Variants in NDUFAF2 observed in about 807,000 individuals in gnomAD.
The protein encoded by NDUFAF2 is NADH dehydrogenase [ubiquinone] 1 alpha subcomplex assembly factor 2.
Under a neutral mutation model 22.8 loss-of-function variants are expected in NDUFAF2, and 13 were observed. That is an observed-to-expected ratio of 0.57 (90% CI 0.37 to 0.91). The LOEUF is 0.91. NDUFAF2 is among the 40% of genes least tolerant of loss of function. The probability of loss-of-function intolerance (pLI) is 0.01; values close to 1 mark genes in which losing one functional copy is unlikely to be tolerated. For synonymous variants in NDUFAF2, 53 were observed against 64.2 expected, an observed-to-expected ratio of 0.83 and a Z score of 0.84; for missense variants, 162 against 195.2, an observed-to-expected ratio of 0.83 and a Z score of 1.01.
intron 3 of NDUFAF2, among the ~76,000 whole-genome samples, chr5:61,134,535 A>T (rs758485027): frequency 1.3e-4 from 20 of 151,994 alleles, no homozygotes; most frequent in Non-Finnish European, 2.4e-4. Context: ...AATACAAAAA[A>T]ATTAGCCGGA....
Position 61,012,092 on chromosome 5 carries a change from CTGTTT to C in NDUFAF2, c.128-61016_128-61012del, listed in dbSNP as rs528706835. ...CCTTATTCTCATTTTACCATTCACA[CTGTTT>C]TGTTTTGTTTTGTTTTTTAGGTTTC... On this transcript the variant is annotated intron_variant, in intron 1 of 3. Coordinates refer to ENST00000296597, the MANE Select transcript of NDUFAF2 (RefSeq NM_174889.5). Among the ~76,000 whole-genome samples, 270 of 152,198 alleles carry C rather than the reference CTGTTT, an allele frequency of 1.8e-3. 2 individuals are homozygous for C. Among genetic ancestry groups the C allele is most frequent in the African/African-American group, 6.1e-3 (252 of 41,534 alleles).
At chr5:61,022,860 G>A (rs1410299589) in intron 1 of NDUFAF2, among the ~76,000 whole-genome samples, 1 of 152,178 alleles carries the variant, frequency 6.6e-6, no homozygotes, top group Admixed American at 6.5e-5. Context: ...GGCCAGGCTG[G>A]TCTTGAACTC....
chr5:61,017,728 G>A (rs158568), intron 1 of NDUFAF2, among the ~76,000 whole-genome samples: 20,908 of 151,786 alleles, frequency 0.14, 1,806 homozygotes, highest in South Asian at 0.28. Flanking sequence ...ACACAGGGGA[G>A]ACCCTGTCTC....
At chr5:61,107,298 T>C (rs1309263803) in intron 3 of NDUFAF2, among the ~76,000 whole-genome samples, 2 of 151,404 alleles carry the variant, frequency 1.3e-5, no homozygotes, top group South Asian at 2.1e-4. Context: ...TGACGTGATA[T>C]CTCGTTGTAG....
intron 3 of NDUFAF2, among the ~76,000 whole-genome samples, chr5:61,118,384 C>G (rs147429182): frequency 6.6e-6 from 1 of 152,322 alleles, no homozygotes; most frequent in African/African-American, 2.4e-5. Flanking sequence ...TATAGTTTCT[C>G]TGTCTACCTA....
At chr5:61,111,617 GTTTT>G (rs931938330) in intron 3 of NDUFAF2, among the ~76,000 whole-genome samples, 1 of 150,616 alleles carries the variant, frequency 6.6e-6, no homozygotes, top group Non-Finnish European at 1.5e-5. Flanking sequence ...TTTTTTGTTT[GTTTT>G]TTTGTCTTTT....
chr5:60,981,135 T>G (rs1373668375), intron 1 of NDUFAF2, among the ~76,000 whole-genome samples: 1 of 151,992 alleles, frequency 6.6e-6, no homozygotes, highest in Non-Finnish European at 1.5e-5. Context: ...CTGAAGACAT[T>G]TAATAATCAA....
chr5:61,048,047 A>G (rs1037520330), intron 1 of NDUFAF2, among the ~76,000 whole-genome samples: 6 of 152,154 alleles, frequency 3.9e-5, no homozygotes, highest in Non-Finnish European at 8.8e-5. Flanking sequence ...TCCCTCTCAC[A>G]AGTGCCTTAT....
chr5:61,108,501 T>C (rs1752796708), intron 3 of NDUFAF2, among the ~76,000 whole-genome samples: 1 of 151,414 alleles, frequency 6.6e-6, no homozygotes. Flanking sequence ...AGAAGACATT[T>C]ATGCAGCTTA....
chr5:60,971,405 G>A (rs1238862721), intron 1 of NDUFAF2, among the ~76,000 whole-genome samples: 1 of 151,664 alleles, frequency 6.6e-6, no homozygotes, highest in African/African-American at 2.4e-5. Flanking sequence ...TCCTGCCTCA[G>A]CCTCTCGAGT....
intron 3 of NDUFAF2, among the ~76,000 whole-genome samples, chr5:61,134,529 C>CA (rs57129787): frequency 0.02 from 2,993 of 151,978 alleles, 114 homozygotes; most frequent in African/African-American, 0.069. Context: ...ACTAAAAATA[C>CA]AAAAAAATTA....
chr5:60,974,360 G>T (rs1750874669), intron 1 of NDUFAF2, among the ~76,000 whole-genome samples: 1 of 152,178 alleles, frequency 6.6e-6, no homozygotes. Context: ...AGGCTACACT[G>T]TCAGTTTTTC....
At chr5:61,050,628 GT>G (rs1752013846) in intron 1 of NDUFAF2, 1 of 152,202 alleles carries the variant, frequency 6.6e-6, no homozygotes, top group East Asian at 1.9e-4. Flanking sequence ...TACTGACTTG[GT>G]GTAGTAGGTA....
intron 3 of NDUFAF2, among the ~76,000 whole-genome samples, chr5:61,105,150 G>A (rs1204059672): frequency 6.8e-6 from 1 of 147,002 alleles, no homozygotes; most frequent in Non-Finnish European, 1.5e-5. Flanking sequence ...TACTGGCCCT[G>A]CAGCTATTTT....
intron 1 of NDUFAF2, among the ~76,000 whole-genome samples, chr5:60,978,483 A>C (rs940607699): frequency 1.3e-5 from 2 of 152,148 alleles, no homozygotes; most frequent in African/African-American, 4.8e-5. Flanking sequence ...TGGGAAACAG[A>C]AACATCTTAC....
At chr5:61,100,671 A>G (rs915273344) in intron 3 of NDUFAF2, among the ~76,000 whole-genome samples, 3 of 152,048 alleles carry the variant, frequency 2.0e-5, no homozygotes, top group African/African-American at 7.2e-5. Flanking sequence ...CTACCACAGA[A>G]CCTCAACTGA....
chr5:60,999,092 G>A (rs1212983540), intron 1 of NDUFAF2, among the ~76,000 whole-genome samples: 1 of 151,954 alleles, frequency 6.6e-6, no homozygotes, highest in African/African-American at 2.4e-5. Context: ...CATTACCCCA[G>A]ATGCATAAGG....
intron 2 of NDUFAF2, among the ~76,000 whole-genome samples, chr5:61,078,586 A>G (rs1561558982): frequency 6.6e-6 from 1 of 152,138 alleles, no homozygotes; most frequent in African/African-American, 2.4e-5. Context: ...CCAAAAATAC[A>G]AAAAATTAGC....
intron 1 of NDUFAF2, among the ~76,000 whole-genome samples, chr5:61,072,709 G>C (rs987382129): frequency 6.6e-6 from 1 of 152,082 alleles, no homozygotes; most frequent in African/African-American, 2.4e-5. Context: ...TGATTCTCGT[G>C]CTTTAGCCTC....
Sources: gnomAD v4.1 joint callset for allele counts (sites outside exome capture counted in the v4.1 genomes callset) on GRCh38, gnomAD v4.1.1 for gene constraint, MANE v1.5 for transcripts, NCBI Gene and HGNC (gene_info 2026-07-23, HGNC 2026-07-21) for gene names.